PTPRD: variants seen among roughly 807,000 people sequenced by gnomAD.
PTPRD encodes the protein protein tyrosine phosphatase receptor type D.
In PTPRD, 34 loss-of-function variants were observed where a neutral mutation model predicts 214.5. The observed-to-expected ratio is 0.16, with a 90% CI of 0.12 to 0.21. The LOEUF is 0.21. Ranked by LOEUF, PTPRD falls within the 10% of genes least tolerant of loss-of-function variation. PTPRD has a pLI of 1.00. For synonymous variants in PTPRD, 1,128 were observed against 845.7 expected, an observed-to-expected ratio of 1.33 and a Z score of -5.79; for missense variants, 2,545 against 2,398.7, an observed-to-expected ratio of 1.06 and a Z score of -1.27.
chr9:10,593,382 T>G (rs1179372512), intron 2 of PTPRD, among the ~76,000 whole-genome samples: 1 of 151,962 alleles, frequency 6.6e-6, no homozygotes, highest in Admixed American at 6.6e-5. Context: ...CATAAAGAAA[T>G]AAAATATTGG....
At chr9:9,893,918 T>C (rs1211376002) in intron 5 of PTPRD, among the ~76,000 whole-genome samples, 3 of 152,004 alleles carry the variant, frequency 2.0e-5, no homozygotes, top group African/African-American at 7.2e-5. Context: ...ACTCAAACAA[T>C]CCTCCTGTCT....
At chr9:9,312,756 G>T (rs1296403621) in intron 9 of PTPRD, among the ~76,000 whole-genome samples, 1 of 152,124 alleles carries the variant, frequency 6.6e-6, no homozygotes, top group Admixed American at 6.5e-5. Context: ...ATGAATGAAT[G>T]AACACAAATT....
At chr9:9,171,554 A>G (rs111546201) in intron 10 of PTPRD, among the ~76,000 whole-genome samples, 1 of 151,942 alleles carries the variant, frequency 6.6e-6, no homozygotes, top group South Asian at 2.1e-4. Context: ...TCATAAATGG[A>G]AAGTTTGGAG....
chr9:10,029,543 A>C (rs1024256295), intron 4 of PTPRD, among the ~76,000 whole-genome samples: 2 of 152,142 alleles, frequency 1.3e-5, no homozygotes, highest in Non-Finnish European at 2.9e-5. Context: ...ATCATTTTGG[A>C]GCTTTAAGAT....
chr9:9,420,557 A>C (rs989460452), intron 8 of PTPRD, among the ~76,000 whole-genome samples: 7 of 151,936 alleles, frequency 4.6e-5, no homozygotes, highest in Non-Finnish European at 1.0e-4. Context: ...GGGTCTAACA[A>C]TTTGGTTTGA....
intron 2 of PTPRD, among the ~76,000 whole-genome samples, chr9:10,545,686 T>C (rs939963809): frequency 6.6e-6 from 1 of 152,086 alleles, no homozygotes; most frequent in Non-Finnish European, 1.5e-5. Context: ...GAAGTATAAA[T>C]AAAGGAAAAA....
intron 5 of PTPRD, among the ~76,000 whole-genome samples, chr9:9,891,777 T>A (rs1029196529): frequency 5.9e-5 from 9 of 152,148 alleles, no homozygotes; most frequent in Admixed American, 2.6e-4. Context: ...TAAAACTTAC[T>A]AAATATCGAC....
chr9:9,505,187 C>T (rs902633736), intron 8 of PTPRD, among the ~76,000 whole-genome samples: 2 of 151,556 alleles, frequency 1.3e-5, no homozygotes, highest in Non-Finnish European at 3.0e-5. Context: ...CTCTCTTGAT[C>T]TCTTCTTGGA....
At chr9:10,583,109 T>G (rs1015844411) in intron 2 of PTPRD, among the ~76,000 whole-genome samples, 3 of 152,200 alleles carry the variant, frequency 2.0e-5, no homozygotes, top group African/African-American at 7.2e-5. Context: ...AAGAGTTGGG[T>G]GATGCAGCAG....
At chr9:9,584,359 C>T (rs75063497) in intron 7 of PTPRD, among the ~76,000 whole-genome samples, 69 of 149,110 alleles carry the variant, frequency 4.6e-4, no homozygotes, top group Admixed American at 1.1e-3. Flanking sequence ...ATTTCATCAC[C>T]ATTATTATTA....
intron 11 of PTPRD, among the ~76,000 whole-genome samples, chr9:8,988,729 C>T (rs2099355039): frequency 6.6e-6 from 1 of 151,964 alleles, no homozygotes; most frequent in African/African-American, 2.4e-5. Context: ...TTAAATTTTG[C>T]TCCTGTGTCT....
chr9:10,450,794 T>A (rs555981640), intron 2 of PTPRD, among the ~76,000 whole-genome samples: 4 of 152,130 alleles, frequency 2.6e-5, no homozygotes, highest in African/African-American at 9.7e-5. Flanking sequence ...TGAATATGAC[T>A]GCTGCTCTAC....
intron 21 of PTPRD, among the ~76,000 whole-genome samples, chr9:8,516,733 C>A (rs1030385761): frequency 6.6e-6 from 1 of 150,598 alleles, no homozygotes. Context: ...TAGATTAATG[C>A]AGGTTTAAAA....
intron 3 of PTPRD, among the ~76,000 whole-genome samples, chr9:10,266,918 T>C (rs1479994615): frequency 6.6e-6 from 1 of 151,872 alleles, no homozygotes. Flanking sequence ...GGGTTGGGCA[T>C]GGTGGCTCAC....
intron 11 of PTPRD, among the ~76,000 whole-genome samples, chr9:8,956,442 T>C (rs1353818523): frequency 6.6e-6 from 1 of 151,936 alleles, no homozygotes; most frequent in Non-Finnish European, 1.5e-5. Flanking sequence ...TCTATTTTTC[T>C]TTTTCTTTCT....
At chr9:8,947,080 T>C (rs1464581269) in intron 11 of PTPRD, among the ~76,000 whole-genome samples, 1 of 150,916 alleles carries the variant, frequency 6.6e-6, no homozygotes, top group Non-Finnish European at 1.5e-5. Context: ...TTTATTTATC[T>C]CTTACTCCTT....
chr9:10,293,749 T>A (rs948194590), intron 3 of PTPRD, among the ~76,000 whole-genome samples: 1 of 152,002 alleles, frequency 6.6e-6, no homozygotes, highest in African/African-American at 2.4e-5. Flanking sequence ...TGAGATGTAA[T>A]TCTAGCCTTC....
chr9:10,106,586 A>G (rs1025817311), intron 3 of PTPRD, among the ~76,000 whole-genome samples: 4 of 151,952 alleles, frequency 2.6e-5, no homozygotes, highest in Non-Finnish European at 5.9e-5. Flanking sequence ...GCCTCTAACA[A>G]GAAGTAAAGT....
At chr9:10,220,273 T>C (rs2099563647) in intron 3 of PTPRD, among the ~76,000 whole-genome samples, 1 of 151,924 alleles carries the variant, frequency 6.6e-6, no homozygotes, top group Non-Finnish European at 1.5e-5. Context: ...CTTACTATGT[T>C]GCAGGCACTA....
Sources: allele counts gnomAD v4.1 joint callset (sites outside exome capture counted in the v4.1 genomes callset), GRCh38; gene constraint gnomAD v4.1.1; transcripts MANE v1.5; gene names NCBI Gene and HGNC (gene_info 2026-07-23, HGNC 2026-07-21).